Variants in GLI2 observed in about 807,000 individuals in gnomAD.
GLI2 encodes the protein GLI family zinc finger 2.
Under a neutral mutation model 78.9 loss-of-function variants are expected in GLI2, and 22 were observed. The observed-to-expected ratio is 0.28, with a 90% confidence interval of 0.20 to 0.40. GLI2 has a LOEUF of 0.40. Among genes scored for constraint, GLI2 ranks in the 10% least tolerant of loss-of-function variants. The probability of loss-of-function intolerance (pLI) is 1.00; values close to 1 mark genes in which losing one functional copy is unlikely to be tolerated. For synonymous variants in GLI2, 974 were observed against 963.7 expected, an observed-to-expected ratio of 1.01 and a Z score of -0.20; for missense variants, 2,097 against 2,213.2, an observed-to-expected ratio of 0.95 and a Z score of 1.05.
intron 2 of GLI2, among the ~76,000 whole-genome samples, chr2:120,900,328 C>T (rs1344198694): frequency 6.6e-6 from 1 of 152,204 alleles, no homozygotes; most frequent in Non-Finnish European, 1.5e-5. Context: ...AAACTGCCAG[C>T]TTCTGAATCC....
At chr2:120,969,686 G>A (rs942812192) in intron 6 of GLI2, among the ~76,000 whole-genome samples, 1 of 152,214 alleles carries the variant, frequency 6.6e-6, no homozygotes, top group Admixed American at 6.5e-5. Context: ...GCTTCATCCC[G>A]CCGAAGGCTT....
intron 2 of GLI2, among the ~76,000 whole-genome samples, chr2:120,869,255 G>A (rs1336904175): frequency 6.6e-6 from 1 of 152,328 alleles, no homozygotes; most frequent in Admixed American, 6.5e-5. Context: ...GAGGGCTGTG[G>A]TCAGGGGGCT....
chr2:120,903,020 G>A (rs993990227), intron 2 of GLI2, among the ~76,000 whole-genome samples: 5 of 152,108 alleles, frequency 3.3e-5, no homozygotes, highest in Non-Finnish European at 5.9e-5. Context: ...ATGGCAGAGG[G>A]GGCATTTATT....
chr2:120,881,995 T>C (rs181669860), intron 2 of GLI2, among the ~76,000 whole-genome samples: 59 of 152,108 alleles, frequency 3.9e-4, no homozygotes, highest in African/African-American at 1.3e-3. Flanking sequence ...TGGAATGTCA[T>C]AGGGGACAAC....
chr2:120,868,936 C>G (rs1056173445), intron 2 of GLI2, among the ~76,000 whole-genome samples: 1 of 152,146 alleles, frequency 6.6e-6, no homozygotes, highest in African/African-American at 2.4e-5. Flanking sequence ...CAGGGGCGGG[C>G]ACATCGTATT....
At chr2:120,925,275 C>G (rs1265970694) in intron 2 of GLI2, among the ~76,000 whole-genome samples, 1 of 152,174 alleles carries the variant, frequency 6.6e-6, no homozygotes, top group East Asian at 1.9e-4. Flanking sequence ...AGAAGATTTG[C>G]TTTTTGTTTT....
intron 2 of GLI2, among the ~76,000 whole-genome samples, chr2:120,860,482 G>A (rs1687854954): frequency 6.6e-6 from 1 of 152,212 alleles, no homozygotes; most frequent in African/African-American, 2.4e-5. Flanking sequence ...AGGGCCCCCT[G>A]GGACTTGGCT....
At chr2:120,942,859 CTCTTTCAT>C (rs67321123) in intron 3 of GLI2, among the ~76,000 whole-genome samples, 126,809 of 149,600 alleles carry the variant, frequency 0.85, 57,383 homozygotes, top group East Asian at 1. Flanking sequence ...CGTTCACGCC[CTCTTTCAT>C]TCATTCATTC....
chr2:120,986,592 G>A lies in GLI2; in HGVS notation c.2220G>A (p.Lys740=), dbSNP rs1481215957. 2 of 1,614,108 alleles carry A rather than the reference G, an allele frequency of 1.2e-6. No individual in the cohort carries two copies. Among genetic ancestry groups the A allele is most frequent in the East Asian group, 2.2e-5 (1 of 44,876 alleles). ...AGPTPHTRNT[K]LPPLPGSGSI... Reference sequence around the variant, plus strand: ...CGACTCCACACACGCGGAACACCAAGCTGCCTCCCCTCCCGGGAAGTGGTG... The same window carrying A: ...CGACTCCACACACGCGGAACACCAAACTGCCTCCCCTCCCGGGAAGTGGTG... Residue 740 remains lysine (K), a synonymous_variant, in exon 13 of 14, where the codon AAG becomes AAA. Transcript: ENST00000361492.
intron 2 of GLI2, among the ~76,000 whole-genome samples, chr2:120,902,450 G>A (rs1021133923): frequency 6.6e-6 from 1 of 152,170 alleles, no homozygotes; most frequent in Non-Finnish European, 1.5e-5. Flanking sequence ...TTCAAGGTTT[G>A]AGTATTTCAG....
intron 2 of GLI2, among the ~76,000 whole-genome samples, chr2:120,823,976 G>A (rs1685909304): frequency 6.6e-6 from 1 of 152,158 alleles, no homozygotes; most frequent in South Asian, 2.1e-4. Flanking sequence ...ATATTTTATG[G>A]GCATAAAGGC....
chr2:120,749,678 T>A (rs1179379282), intron 1 of GLI2, among the ~76,000 whole-genome samples: 1 of 152,250 alleles, frequency 6.6e-6, no homozygotes, highest in Non-Finnish European at 1.5e-5. Context: ...ATAATTGTTC[T>A]GTTCGTGATT....
At chr2:120,812,482 C>T (rs536460182) in intron 2 of GLI2, among the ~76,000 whole-genome samples, 67 of 152,296 alleles carry the variant, frequency 4.4e-4, no homozygotes, top group Middle Eastern at 3.4e-3. Context: ...GGCCGGATTA[C>T]GATCCACAGG....
intron 2 of GLI2, among the ~76,000 whole-genome samples, chr2:120,876,158 G>A (rs952842216): frequency 6.6e-6 from 1 of 152,118 alleles, no homozygotes; most frequent in African/African-American, 2.4e-5. Context: ...TGGCTAACGC[G>A]GTGAAACCCC....
At chr2:120,976,154 G>T (rs541385223) in intron 9 of GLI2, among the ~76,000 whole-genome samples, 2 of 152,280 alleles carry the variant, frequency 1.3e-5, no homozygotes, top group East Asian at 3.9e-4. Context: ...TAGCTCGATT[G>T]CTGGGAAGAG....
At chr2:120,890,845 G>A (rs925768523) in intron 2 of GLI2, among the ~76,000 whole-genome samples, 2 of 152,170 alleles carry the variant, frequency 1.3e-5, no homozygotes, top group Admixed American at 1.3e-4. Flanking sequence ...GTGGGGGCAC[G>A]GGTCCCCCCA....
chr2:120,975,109 T>G lies in GLI2; in HGVS notation c.1317T>G (p.His439Gln). The G allele has an allele frequency of 1.2e-6, 2 of 1,613,696 alleles. No individual in the cohort carries two copies. The highest frequency in any genetic ancestry group is 1.1e-5 in the South Asian group (1 of 91,082). The change falls in exon 9 of 14, where the codon CAT becomes CAG. Residue 439 changes from histidine to glutamine, a missense_variant and splice_region_variant. By Grantham distance (24) the His-to-Gln change is conservative. Transcript: ENST00000361492. The stretch of plus-strand genomic sequence containing the variant: ...ACGACACCCAGGAGCAGCTGGTGCA[T>G]GTAAGCTTTTGAACCCCAGCAGCCC... ...KEYDTQEQLV[H>Q]HINNEHIHGE...
chr2:120,811,728 A>AG (rs948147288), intron 2 of GLI2, among the ~76,000 whole-genome samples: 2 of 152,040 alleles, frequency 1.3e-5, no homozygotes, highest in African/African-American at 4.8e-5. Flanking sequence ...TGAGCAGGGG[A>AG]GGGGCATTTA....
intron 11 of GLI2, among the ~76,000 whole-genome samples, chr2:120,983,176 A>G (rs767097222): frequency 1.3e-5 from 2 of 152,020 alleles, no homozygotes; most frequent in Non-Finnish European, 2.9e-5. Context: ...GCCCTCCCCA[A>G]AGGCCATCAT....
Sources: allele counts gnomAD v4.1 joint callset (sites outside exome capture counted in the v4.1 genomes callset), GRCh38; gene constraint gnomAD v4.1.1; transcripts MANE v1.5; gene names NCBI Gene and HGNC (gene_info 2026-07-23, HGNC 2026-07-21).